Variants in FRRS1 observed in about 807,000 individuals in gnomAD.
FRRS1 encodes ferric reductase 1.
FRRS1 carries 51 observed loss-of-function variants against 70.7 expected under a neutral mutation model. The ratio of observed to expected loss-of-function variants is 0.72; its 90% CI spans 0.58 to 0.91. The LOEUF (loss-of-function observed/expected upper bound fraction) is 0.91, where lower values mean the gene tolerates loss of function less well. FRRS1 is among the 40% of genes least tolerant of loss of function. The probability of loss-of-function intolerance (pLI) is 0.00; values close to 1 mark genes in which losing one functional copy is unlikely to be tolerated. For synonymous variants in FRRS1, 225 were observed against 238.7 expected (o/e 0.94, Z 0.53); for missense variants, 672 against 726.0 (o/e 0.93, Z 0.86).
At chr1:99,734,145 A>G (rs1655532184) in intron 7 of FRRS1, among the ~76,000 whole-genome samples, 1 of 152,242 alleles carries the variant, frequency 6.6e-6, no homozygotes, top group Non-Finnish European at 1.5e-5. Context: ...AAGGAGATCC[A>G]AGAGATGTAA....
chr1:99,715,959 T>C (rs1175549351), intron 11 of FRRS1, among the ~76,000 whole-genome samples: 1 of 152,202 alleles, frequency 6.6e-6, no homozygotes, highest in Non-Finnish European at 1.5e-5. Context: ...ACAGAGCATA[T>C]TTACTTGCCA....
At chr1:99,725,498 G>A (rs952134316) in intron 9 of FRRS1, among the ~76,000 whole-genome samples, 1 of 152,142 alleles carries the variant, frequency 6.6e-6, no homozygotes, top group African/African-American at 2.4e-5. Flanking sequence ...CAGATTCCAT[G>A]CACCAACAAA....
chr1:99,759,165 T>C (rs1236952018), intron 1 of FRRS1, among the ~76,000 whole-genome samples: 1 of 152,214 alleles, frequency 6.6e-6, no homozygotes, highest in Non-Finnish European at 1.5e-5. Context: ...TTTTGCCCTT[T>C]GAAGCGTGTG....
At chr1:99,733,552 G>C (rs1172657454) in intron 7 of FRRS1, among the ~76,000 whole-genome samples, 1 of 152,194 alleles carries the variant, frequency 6.6e-6, no homozygotes, top group Non-Finnish European at 1.5e-5. Flanking sequence ...AAGCCTGCTT[G>C]AAAGGGCTCC....
chr1:99,715,709 C>T (rs1023003231), intron 11 of FRRS1, 37 bp from the exon 12 acceptor site: 12 of 1,464,878 alleles, frequency 8.2e-6, no homozygotes, highest in Admixed American at 3.4e-5. Context: ...AGACACTTAT[C>T]CATGTAAAAG....
At chr1:99,756,086 CATTT>C (rs1019427022) in intron 1 of FRRS1, among the ~76,000 whole-genome samples, 9 of 152,110 alleles carry the variant, frequency 5.9e-5, no homozygotes, top group African/African-American at 2.2e-4. Context: ...GTCATGGAAA[CATTT>C]AAGTTAAAAT....
chr1:99,716,373 G>T (rs1654530056), intron 11 of FRRS1, among the ~76,000 whole-genome samples: 1 of 152,174 alleles, frequency 6.6e-6, no homozygotes, highest in African/African-American at 2.4e-5. Context: ...AAATTTAAAG[G>T]CAGTGGAGGA....
In FRRS1 at chr1:99,745,763, C is replaced by T. The variant is rs186589386; in HGVS notation, c.333+1531G>A. 6.1e-3 allele frequency among the ~76,000 whole-genome samples: 935 copies of T among 152,124 alleles called. 5 individuals are homozygous for T. The highest frequency in any genetic ancestry group is 9.7e-3 in the Non-Finnish European group (661 of 67,998). On this transcript the variant is annotated intron_variant, in intron 4 of 16. Coordinates refer to ENST00000646001, the MANE Select transcript of FRRS1 (RefSeq NM_001361041.2). ...CCAACTCTCAAGTTAAATTGCAATCCCCAGTGTTGGAGGTGGGAACTGGTG... is the reference window on the plus strand; with the variant it reads ...CCAACTCTCAAGTTAAATTGCAATCTCCAGTGTTGGAGGTGGGAACTGGTG...
Position 99,748,581 on chromosome 1 carries a change from T to C in FRRS1, c.188A>G (p.Gln63Arg). 6.2e-7 allele frequency: 1 copy of C among 1,613,362 alleles called. No homozygotes were observed. Residue 63 changes from glutamine (Q) to arginine (R), a missense_variant, in exon 3 of 17, where the codon CAG (glutamine) becomes CGG (arginine). Gln to Arg is a conservative substitution (Grantham distance 43). Transcript: ENST00000646001. ...VSQMTFRPGD[Q>R]IEVTLSGHPF... ...TAATCCCAGCACGGTACCTTCAATC[T>C]GATCTCCTGGCCTGAATGTCATCTG... is the stretch of plus-strand genomic sequence containing the variant.
chr1:99,747,157 G>C (rs1202610334), intron 4 of FRRS1, 137 bp downstream of exon 4: 6 of 588,620 alleles, frequency 1.0e-5, no homozygotes, highest in African/African-American at 9.3e-5. Context: ...TATCAGTAAG[G>C]CTTCTGGTCA....
At chr1:99,715,539 G>T in intron 12 of FRRS1, 47 bp downstream of exon 12, 2 of 1,049,870 alleles carry the variant, frequency 1.9e-6, no homozygotes, top group Non-Finnish European at 3.0e-6. Flanking sequence ...AATCTGTTTT[G>T]ACATAAAATG....
chr1:99,727,704 A>G (rs1323749414), intron 9 of FRRS1, among the ~76,000 whole-genome samples: 1 of 152,178 alleles, frequency 6.6e-6, no homozygotes, highest in African/African-American at 2.4e-5. Flanking sequence ...AGTGGGCTAT[A>G]TTCTCAAAGT....
At chr1:99,717,321 G>A (rs1033970600) in intron 11 of FRRS1, 89 bp downstream of exon 11, 8 of 855,898 alleles carry the variant, frequency 9.3e-6, no homozygotes, top group Admixed American at 7.3e-5. Context: ...ACCACAAAAC[G>A]CATACACATA....
intron 1 of FRRS1, among the ~76,000 whole-genome samples, chr1:99,757,321 T>C (rs1170893842): frequency 6.6e-6 from 1 of 152,150 alleles, no homozygotes; most frequent in Non-Finnish European, 1.5e-5. Context: ...CATTACTTTA[T>C]GGCATGCATG....
chr1:99,745,780 G>C (rs1287639775), intron 4 of FRRS1, among the ~76,000 whole-genome samples: 1 of 152,202 alleles, frequency 6.6e-6, no homozygotes, highest in East Asian at 1.9e-4. Flanking sequence ...TTGGAGGTGG[G>C]AACTGGTGGG....
intron 12 of FRRS1, among the ~76,000 whole-genome samples, chr1:99,714,838 C>T (rs1654442733): frequency 6.6e-6 from 1 of 152,066 alleles, no homozygotes; most frequent in Non-Finnish European, 1.5e-5. Context: ...CCATTTTGGA[C>T]ATGTTAAGTC....
chr1:99,741,140 C>T (rs969290881), intron 5 of FRRS1, among the ~76,000 whole-genome samples, 200 bp from the exon 6 acceptor site: 5 of 152,226 alleles, frequency 3.3e-5, no homozygotes, highest in Non-Finnish European at 7.3e-5. Context: ...TGCTTTCTCT[C>T]CCTCTGTCCC....
intron 5 of FRRS1, 94 bp from the exon 6 acceptor site, chr1:99,741,034 A>C (rs1655934649): frequency 8.5e-7 from 1 of 1,170,178 alleles, no homozygotes. Flanking sequence ...AGACTAAACT[A>C]GAAAAACATG....
chr1:99,761,334 C>T (rs1193512559), intron 1 of FRRS1, among the ~76,000 whole-genome samples: 2 of 151,990 alleles, frequency 1.3e-5, no homozygotes, highest in Non-Finnish European at 2.9e-5. Flanking sequence ...GACTATATTA[C>T]CCAGGCTGGT....
Sources: gnomAD v4.1 joint callset for allele counts (sites outside exome capture counted in the v4.1 genomes callset) on GRCh38, gnomAD v4.1.1 for gene constraint, MANE v1.5 for transcripts, NCBI Gene and HGNC (gene_info 2026-07-23, HGNC 2026-07-21) for gene names.